The following SPATA6 variants were observed in gnomAD, a reference collection of about 807,000 sequenced individuals.
The protein encoded by SPATA6 is spermatogenesis-associated protein 6.
Under a neutral mutation model 65.3 loss-of-function variants are expected in SPATA6, and 56 were observed. The observed-to-expected ratio is 0.86, with a 90% CI of 0.69 to 1.07. The LOEUF (loss-of-function observed/expected upper bound fraction) is 1.07, where lower values mean the gene tolerates loss of function less well. SPATA6 is among the 50% of genes least tolerant of loss of function. The probability of loss-of-function intolerance (pLI) is 0.00; values close to 1 mark genes in which losing one functional copy is unlikely to be tolerated. For missense variants in SPATA6, 590 were observed against 594.8 expected (o/e 0.99, Z 0.08); for synonymous variants, 199 against 213.2 (o/e 0.93, Z 0.58).
intron 3 of SPATA6, among the ~76,000 whole-genome samples, chr1:48,433,476 CCTT>C (rs749732739): frequency 3.4e-4 from 52 of 151,966 alleles, no homozygotes; most frequent in Non-Finnish European, 6.6e-4. Flanking sequence ...AAATAATTTT[CCTT>C]CTTCTTCTGT....
intron 1 of SPATA6, among the ~76,000 whole-genome samples, chr1:48,454,515 C>A (rs977266664): frequency 2.0e-5 from 3 of 152,146 alleles, no homozygotes; most frequent in Non-Finnish European, 4.4e-5. Context: ...TTATTATGAA[C>A]TTACTATATG....
At chr1:48,436,959 C>A in intron 3 of SPATA6, 1 of 1,612,576 alleles carries the variant, frequency 6.2e-7, no homozygotes, top group Non-Finnish European at 8.5e-7. Context: ...ACCGATTACA[C>A]ACACCATCCT....
the SPATA6 span, among the ~76,000 whole-genome samples, chr1:48,271,171 C>T: frequency 6.6e-6 from 1 of 152,140 alleles, no homozygotes; most frequent in Admixed American, 6.5e-5. Context: ...CAGGCAATTG[C>T]TACCTCGATC....
At position 48,436,813 on chromosome 1, in the gene SPATA6, G is replaced by A. The variant is rs933191528; in HGVS notation, c.238+14739C>T. ...TCAGATGCTGTTACAGAAACTGAAA[G>A]GTCCTCCTTATAGCCCATTGGATAT... is the stretch of plus-strand genomic sequence containing the variant. On this transcript the variant is annotated intron_variant, in intron 3 of 12. Coordinates refer to ENST00000371847, the MANE Select transcript of SPATA6 (RefSeq NM_019073.4). 4.3e-6 allele frequency: 7 copies of A among 1,613,864 alleles called. No individual in the cohort carries two copies. The Admixed American group carries it at 5.0e-5, about 12-fold the overall frequency.
At chr1:48,463,912 T>A (rs1367525155) in intron 1 of SPATA6, among the ~76,000 whole-genome samples, 1 of 151,884 alleles carries the variant, frequency 6.6e-6, no homozygotes, top group African/African-American at 2.4e-5. Flanking sequence ...AAAGAACTTA[T>A]TACAGGAATA....
At chr1:48,405,380 C>CT (rs1444554950) in intron 5 of SPATA6, among the ~76,000 whole-genome samples, 1 of 152,214 alleles carries the variant, frequency 6.6e-6, no homozygotes, top group African/African-American at 2.4e-5. Context: ...CACGTAATTT[C>CT]TATGGGTCAG....
chr1:48,441,242 T>C (rs1459846803), intron 3 of SPATA6, among the ~76,000 whole-genome samples: 1 of 152,260 alleles, frequency 6.6e-6, no homozygotes, highest in South Asian at 2.1e-4. Context: ...GCCCCGGGTA[T>C]GTTTAACCAT....
chr1:48,273,535 G>C, the SPATA6 span, among the ~76,000 whole-genome samples: 3 of 151,840 alleles, frequency 2.0e-5, no homozygotes, highest in Admixed American at 2.0e-4. Flanking sequence ...TGTTCCCCTT[G>C]CTGTGTCCAT....
intron 7 of SPATA6, among the ~76,000 whole-genome samples, chr1:48,397,190 C>T (rs1485208237): frequency 6.6e-6 from 1 of 151,444 alleles, no homozygotes; most frequent in Non-Finnish European, 1.5e-5. Flanking sequence ...TTAGTGATTG[C>T]CAAGACTATG....
chr1:48,401,603 T>C (rs1651170610), intron 6 of SPATA6, among the ~76,000 whole-genome samples: 1 of 152,132 alleles, frequency 6.6e-6, no homozygotes, highest in Non-Finnish European at 1.5e-5. Context: ...TGCCATCACA[T>C]GAATGAGCTG....
intron 11 of SPATA6, among the ~76,000 whole-genome samples, chr1:48,354,526 C>A (rs2148803507): frequency 6.6e-6 from 1 of 152,148 alleles, no homozygotes; most frequent in Non-Finnish European, 1.5e-5. Flanking sequence ...CATTTTCATA[C>A]AATAAAATGT....
intron 3 of SPATA6, among the ~76,000 whole-genome samples, chr1:48,418,967 G>GC (rs1293639194): frequency 6.6e-6 from 1 of 151,986 alleles, no homozygotes; most frequent in East Asian, 1.9e-4. Flanking sequence ...CTTAGGATAC[G>GC]CTCAGTTTCT....
At chr1:48,449,639 A>G (rs1656375663) in intron 3 of SPATA6, among the ~76,000 whole-genome samples, 1 of 152,262 alleles carries the variant, frequency 6.6e-6, no homozygotes, top group South Asian at 2.1e-4. Context: ...AGAAATCGAC[A>G]TATATGGTGT....
chr1:48,461,168 C>A (rs1657401530), intron 1 of SPATA6, among the ~76,000 whole-genome samples: 1 of 152,044 alleles, frequency 6.6e-6, no homozygotes, highest in Admixed American at 6.6e-5. Context: ...ATCCTTTGCC[C>A]ACTTTTTGAT....
At chr1:48,281,753 T>C in the SPATA6 span, among the ~76,000 whole-genome samples, 3 of 151,962 alleles carry the variant, frequency 2.0e-5, no homozygotes, top group Non-Finnish European at 4.4e-5. Context: ...AAAATGGCCA[T>C]ACTGCCCAAG....
intron 3 of SPATA6, among the ~76,000 whole-genome samples, chr1:48,451,030 T>C (rs1341933615): frequency 6.6e-6 from 1 of 152,246 alleles, no homozygotes; most frequent in Non-Finnish European, 1.5e-5. Flanking sequence ...CTTTTTATAG[T>C]TATTCTAAGT....
At chr1:48,303,700 G>A (rs1644993470) in intron 12 of SPATA6, among the ~76,000 whole-genome samples, 1 of 152,076 alleles carries the variant, frequency 6.6e-6, no homozygotes, top group Admixed American at 6.6e-5. Flanking sequence ...TTTTGTTATT[G>A]TGAATAATGC....
intron 3 of SPATA6, among the ~76,000 whole-genome samples, chr1:48,445,762 T>C (rs113046800): frequency 0.024 from 3,625 of 150,138 alleles, 95 homozygotes; most frequent in African/African-American, 0.065. Context: ...CTACATCCCC[T>C]TTTCTACTTT....
the SPATA6 span, among the ~76,000 whole-genome samples, chr1:48,283,534 C>T: frequency 1.5e-4 from 22 of 150,536 alleles, no homozygotes; most frequent in African/African-American, 5.4e-4. Context: ...CAAAAATTAG[C>T]TGGGCATGGT....
Sources: allele counts gnomAD v4.1 joint callset (sites outside exome capture counted in the v4.1 genomes callset), GRCh38; gene constraint gnomAD v4.1.1; transcripts MANE v1.5; gene names NCBI Gene and HGNC (gene_info 2026-07-23, HGNC 2026-07-21).